PLCB3: variants seen among roughly 807,000 people sequenced by gnomAD.
PLCB3 encodes the protein phospholipase C beta 3.
PLCB3 carries 54 observed loss-of-function variants against 152.1 expected under a neutral mutation model. The ratio of observed to expected loss-of-function variants is 0.36; its 90% CI spans 0.29 to 0.45. The LOEUF (loss-of-function observed/expected upper bound fraction) is 0.45. Among genes scored for constraint, PLCB3 ranks in the 20% least tolerant of loss-of-function variants. The probability of loss-of-function intolerance (pLI) is 1.00; values close to 1 mark genes in which losing one functional copy is unlikely to be tolerated. For synonymous variants in PLCB3, 717 were observed against 698.7 expected (o/e 1.03, Z -0.41); for missense variants, 1,248 against 1,687.5 (o/e 0.74, Z 4.56).
chr11:64,256,970 GC>G (rs1307617931), intron 10 of PLCB3, among the ~76,000 whole-genome samples: 1 of 148,768 alleles, frequency 6.7e-6, no homozygotes, highest in Non-Finnish European at 1.5e-5. Flanking sequence ...TTGTGTTAGG[GC>G]CTGCAGCAGG....
chr11:64,255,773 T>C lies in PLCB3; in HGVS notation c.650T>C (p.Leu217Pro), dbSNP rs2031496121. The C allele has an allele frequency of 6.2e-7, 1 of 1,613,996 alleles. No individual in the cohort carries two copies. The highest frequency in any genetic ancestry group is 1.7e-5 in the Admixed American group (1 of 60,006). ...EFSLEIFERF[L>P]NKLCLRPDID... ...TCCTTGGAAATCTTTGAGCGGTTCC[T>C]GAACAAGCTGTGTCTGCGGCCGGAC... The change falls in exon 8 of 31, where the codon CTG (leucine) becomes CCG (proline). Residue 217 changes from leucine to proline, a missense_variant. Transcript: ENST00000279230. The surrounding 1 kb of genome is among the most constrained non-coding windows in gnomAD (Gnocchi z 6.8).
intron 8 of PLCB3, 50 bp from the exon 9 acceptor site, chr11:64,256,326 G>T (rs780842694): frequency 6.3e-7 from 1 of 1,576,020 alleles, no homozygotes. Context: ...TGGCGACGGG[G>T]TGGGAGCCCT....
chr11:64,261,745 T>C (rs2031863547), intron 16 of PLCB3, 80 bp downstream of exon 16: 2 of 1,446,468 alleles, frequency 1.4e-6, no homozygotes, highest in Admixed American at 1.7e-5. Context: ...TCCCCACATA[T>C]GCCACCTGCA....
chr11:64,263,942 C>T (rs1405126261), intron 21 of PLCB3, 79 bp from the exon 22 acceptor site: 12 of 1,247,130 alleles, frequency 9.6e-6, no homozygotes, highest in Non-Finnish European at 1.4e-5. Context: ...TCTGGAATTC[C>T]TCATTGAGAC....
chr11:64,263,547 G>C lies in PLCB3; in HGVS notation c.2405G>C (p.Gly802Ala), dbSNP rs751892571. The C allele has an allele frequency of 6.3e-7, 1 of 1,598,610 alleles. No individual in the cohort carries two copies. The highest frequency in any genetic ancestry group is 2.3e-5 in the East Asian group (1 of 44,174). ...ASLRIAAFEE[G>A]GKFVGHRILP... ...CTTCGCATTGCAGCCTTTGAGGAGG[G>C]GGGTAAATTCGTAGGGCACCGGATC... Residue 802 changes from glycine to alanine, a missense_variant, in exon 20 of 31, where the codon GGG (glycine) becomes GCG (alanine). By Grantham distance (60) the Gly-to-Ala change is moderately conservative. This residue lies in a region of PLCB3 where 244 missense variants were observed against 424.4 expected (regional missense o/e 0.57). Transcript: ENST00000279230.
intron 14 of PLCB3, among the ~76,000 whole-genome samples, chr11:64,261,162 G>A (rs865994845): frequency 2.0e-5 from 3 of 152,068 alleles, no homozygotes; most frequent in East Asian, 1.9e-4. Context: ...TAAATTAGCC[G>A]GGCAAGGTGG....
chr11:64,265,915 A>T lies in PLCB3; in HGVS notation c.3065A>T (p.Lys1022Met). 1 of 1,613,302 alleles carries T rather than the reference A, an allele frequency of 6.2e-7. No homozygotes were observed. The highest frequency in any genetic ancestry group is 8.5e-7 in the Non-Finnish European group (1 of 1,179,976). ...GGGGCCGCTGATGTGGAGGACACGA[A>T]GGAGGGGGAGGACGAGGCAAAGCGG... ...LGGAADVEDT[K>M]EGEDEAKRYQ... The change falls in exon 26 of 31, where the codon AAG (lysine) becomes ATG (methionine). Residue 1022 changes from lysine (K) to methionine (M), a missense_variant. Coordinates refer to ENST00000279230, the MANE Select transcript of PLCB3 (RefSeq NM_000932.5).
chr11:64,266,586 T>G lies in PLCB3; in HGVS notation c.3414+34T>G, dbSNP rs758548389. On this transcript the variant is annotated intron_variant, in intron 29 of 30. Transcript: ENST00000279230. The surrounding 1 kb of genome is among the most constrained non-coding windows in gnomAD (Gnocchi z 4.9). Reference sequence around the variant, plus strand: ...GGCTCCCGGGCCACCCTACCCCACCTCCCTTCCTTCACTCATCAGACACCC... The same window carrying G: ...GGCTCCCGGGCCACCCTACCCCACCGCCCTTCCTTCACTCATCAGACACCC... 1 of 1,604,336 alleles carries G rather than the reference T, an allele frequency of 6.2e-7. No homozygotes were observed.
intron 21 of PLCB3, 102 bp from the exon 22 acceptor site, chr11:64,263,919 T>A (rs2135062273): frequency 8.4e-7 from 1 of 1,186,170 alleles, no homozygotes; most frequent in Non-Finnish European, 1.2e-6. Context: ...AGGGAACAGA[T>A]CTGAGGACAA....
rs1180404124 is a variant in PLCB3 at position 64,265,461 on chromosome 11, G to C, written c.2994G>C (p.Gln998His). Residue 998 changes from glutamine to histidine, a missense_variant, in exon 25 of 31, where the codon CAG (glutamine) becomes CAC (histidine). Physicochemically the swap from Gln to His is conservative, Grantham distance 24. This residue lies in a region of PLCB3 where 477 missense variants were observed against 489.6 expected (regional missense o/e 0.97). Transcript: ENST00000279230. ...GCCGCCTGCTGGATGGCCTGGCTCA[G>C]GCACAGGCTGAGGGCAGGTGCCGGC... ...LTRRLLDGLA[Q>H]AQAEGRCRLR... 6.2e-7 allele frequency: 1 copy of C among 1,608,690 alleles called. No homozygotes were observed. The highest frequency in any genetic ancestry group is 2.2e-5 in the East Asian group (1 of 44,862).
At position 64,256,767 on chromosome 11, in the gene PLCB3, G is replaced by A; in HGVS notation, c.1012+3G>A. 6.2e-7 allele frequency: 1 copy of A among 1,613,720 alleles called. No individual in the cohort carries two copies. The highest frequency in any genetic ancestry group is 8.5e-7 in the Non-Finnish European group (1 of 1,179,748). ...CTCGCATAACACCTATCTCACTGGT[G>A]AGTGGGGAGCAAGGGTGGCACCCGT... On this transcript the variant is annotated splice_donor_region_variant and intron_variant, in intron 10 of 30. Coordinates refer to ENST00000279230, the MANE Select transcript of PLCB3 (RefSeq NM_000932.5).
Position 64,265,266 on chromosome 11 carries a change from C to T in PLCB3, c.2842+39C>T, listed in dbSNP as rs2855386. On this transcript the variant is annotated intron_variant, in intron 24 of 30. Transcript: ENST00000279230. ...TACCTGGAGGCAGGGGGCTGCCTTG[C>T]AGGTTCCCCCACCCCCCGCCCACCT... The T allele has an allele frequency of 3.2e-5, 50 of 1,580,538 alleles. No individual in the cohort carries two copies. The African/African-American group carries it at 6.4e-4, about 20-fold the overall frequency.
chr11:64,256,299 T>A (rs1227876900), intron 8 of PLCB3, 77 bp from the exon 9 acceptor site: 18 of 1,400,716 alleles, frequency 1.3e-5, no homozygotes, highest in Non-Finnish European at 1.7e-5. Flanking sequence ...CTGACTCCCT[T>A]GCCCAGGGCA....
At chr11:64,269,304 T>A (rs910909895), downstream of PLCB3, among the ~76,000 whole-genome samples, 12 of 152,174 alleles carry the variant, frequency 7.9e-5, no homozygotes, top group Non-Finnish European at 1.8e-4. Context: ...CTCGGGAGCT[T>A]CCGCGAGCAG....
At position 64,255,644 on chromosome 11, in the gene PLCB3, T is replaced by TGGGGGGGGGGCAGGGGGGGGGGGG; in HGVS notation, c.597+32_597+33insGGGGGGCAGGGGGGGGGGGGGGGG. ...GTGTGGGGTGGGGACAGGGGCGGGG[T>TGGGGGGGGGGCAGGGGGGGGGGGG]GGGGTGTCACGGTGGGCACCCACCC... On this transcript the variant is annotated intron_variant, in intron 7 of 30. Coordinates refer to ENST00000279230, the MANE Select transcript of PLCB3 (RefSeq NM_000932.5). This position sits in a 1 kb window ranked among gnomAD's most constrained non-coding sequence, Gnocchi z 6.8. The TGGGGGGGGGGCAGGGGGGGGGGGG allele has an allele frequency of 5.6e-6, 5 of 890,008 alleles. No homozygotes were observed. The highest frequency in any genetic ancestry group is 3.4e-4 in the Middle Eastern group (1 of 2,922). 55.1% of individuals were successfully genotyped at this position (890,008 alleles called of 1,614,324 possible).
In PLCB3 at chr11:64,260,104, C is replaced by T. The variant is rs762763674; in HGVS notation, c.1601C>T (p.Pro534Leu). The change falls in exon 14 of 31, where the codon CCT becomes CTT. Residue 534 changes from proline (P) to leucine (L), a missense_variant. Physicochemically the swap from Pro to Leu is moderately conservative, Grantham distance 98 (BLOSUM62 -3). This residue lies in a region of PLCB3 where 105 missense variants were observed against 100.9 expected (regional missense o/e 1.04). Transcript: ENST00000279230. ...GGGCTTGAGAAGCCCAGCCTGGAGC[C>T]TCAGAAGTCTCTGGGTGACGAGGGC... Reference protein sequence around the residue: ...EVGLEKPSLEPQKSLGDEGLN... With the variant: ...EVGLEKPSLELQKSLGDEGLN... 1 of 1,612,316 alleles carries T rather than the reference C, an allele frequency of 6.2e-7. No homozygotes were observed. The highest frequency in any genetic ancestry group is 2.2e-5 in the East Asian group (1 of 44,870).
chr11:64,261,702 G>A, intron 16 of PLCB3, 37 bp downstream of exon 16: 1 of 1,579,686 alleles, frequency 6.3e-7, no homozygotes, highest in Non-Finnish European at 8.7e-7. Context: ...GCAGGCCAGG[G>A]TGGGGCGCTC....
At position 64,255,334 on chromosome 11, in the gene PLCB3, G is replaced by C; in HGVS notation, c.467+21G>C. ...AAAGCGTGAGCCCCAGGCCACCCGA[G>C]GGGGAGCCGGGGGGTTCACGTGGCC... On this transcript the variant is annotated intron_variant, in intron 5 of 30. Coordinates refer to ENST00000279230, the MANE Select transcript of PLCB3 (RefSeq NM_000932.5). This position sits in a 1 kb window ranked among gnomAD's most constrained non-coding sequence, Gnocchi z 6.8. The C allele has an allele frequency of 4.3e-6, 7 of 1,613,198 alleles. No individual in the cohort carries two copies. The highest frequency in any genetic ancestry group is 4.5e-5 in the East Asian group (2 of 44,866).
rs554179644 is a variant in PLCB3, at chr11:64,262,292, A to T, written c.2039-115A>T. 1.9e-5 allele frequency: 27 copies of T among 1,385,178 alleles called. No individual in the cohort carries two copies. The African/African-American group carries it at 3.3e-4, about 17-fold the overall frequency. 85.8% of individuals were successfully genotyped at this position (1,385,178 alleles called of 1,614,324 possible). A position where few individuals can be genotyped will look rare whatever the true frequency, so the allele number is the denominator to read the frequency against. ...TGGATCCGGACCCTGATGCCATTTG[A>T]GCCCGCCCCTGACCCTGGACCTTGG... On this transcript the variant is annotated intron_variant, in intron 17 of 30. Transcript: ENST00000279230.
Sources: allele counts gnomAD v4.1 joint callset (sites outside exome capture counted in the v4.1 genomes callset), GRCh38; gene constraint gnomAD v4.1.1; regional missense constraint gnomAD v4.1.1; non-coding constraint Gnocchi (gnomAD v3.1); transcripts MANE v1.5; gene names NCBI Gene and HGNC (gene_info 2026-07-23, HGNC 2026-07-21).